RBM47: variants seen among roughly 807,000 people sequenced by gnomAD.
The protein encoded by RBM47 is RNA-binding protein 47.
A neutral mutation model predicts 47.1 loss-of-function variants in RBM47; 21 were observed. That is an observed-to-expected ratio of 0.45 (90% CI 0.32 to 0.64). RBM47 has a LOEUF of 0.64. Ranked by LOEUF, RBM47 falls within the 30% of genes least tolerant of loss-of-function variation. The pLI, the probability that RBM47 is intolerant of heterozygous loss-of-function variation, is 0.05. For synonymous variants in RBM47, 375 were observed against 361.7 expected (o/e 1.04, Z -0.42); for missense variants, 708 against 870.9 (o/e 0.81, Z 2.35).
chr4:40,555,412 T>C (rs778901730), intron 1 of RBM47, among the ~76,000 whole-genome samples: 11 of 152,220 alleles, frequency 7.2e-5, no homozygotes, highest in Non-Finnish European at 1.3e-4. Context: ...CCTTCGTTTC[T>C]TGCAGCATGT....
chr4:40,612,860 C>A (rs1159085120), intron 1 of RBM47, among the ~76,000 whole-genome samples: 6 of 152,160 alleles, frequency 3.9e-5, no homozygotes, highest in Non-Finnish European at 8.8e-5. Flanking sequence ...GATCTTCATC[C>A]CCTAGGCTTT....
intron 1 of RBM47, among the ~76,000 whole-genome samples, chr4:40,601,685 T>C (rs886355403): frequency 2.0e-5 from 3 of 152,178 alleles, no homozygotes; most frequent in Admixed American, 1.3e-4. Context: ...AAGGCTTCCA[T>C]TGTGGATTTA....
In RBM47 at chr4:40,532,657, A is replaced by AT. The variant is rs1166905667; in HGVS notation, c.-155+11764dup. On this transcript the variant is annotated intron_variant, in intron 2 of 6. Coordinates refer to ENST00000295971, the MANE Select transcript of RBM47 (RefSeq NM_001098634.2). Reference sequence around the variant, plus strand: ...TTTTTCCTTTTTTTTTTCTTTTTAAATATTTTTTTCCATTTTTTTTTTGAG... The same window carrying AT: ...TTTTTCCTTTTTTTTTTCTTTTTAAATTATTTTTTTCCATTTTTTTTTTGAG... Among the ~76,000 whole-genome samples, 10 of 99,798 alleles carry AT rather than the reference A, an allele frequency of 1.0e-4. No individual in the cohort carries two copies. The African/African-American group carries it at 1.1e-3, about 11-fold the overall frequency. 65.5% of individuals were successfully genotyped at this position (99,798 alleles called of 152,430 possible).
intron 2 of RBM47, among the ~76,000 whole-genome samples, chr4:40,486,841 A>AT (rs1205868728): frequency 1.3e-5 from 2 of 152,194 alleles, no homozygotes. Flanking sequence ...TGCAACATTC[A>AT]TTCTATGTCT....
intron 2 of RBM47, among the ~76,000 whole-genome samples, chr4:40,472,950 G>A (rs60433065): frequency 0.011 from 1,682 of 152,202 alleles, 33 homozygotes; most frequent in East Asian, 0.065. Flanking sequence ...GCTTCCCCAT[G>A]ACATTCAAAA....
chr4:40,502,055 G>A (rs190144655), intron 2 of RBM47: 128 of 154,406 alleles, frequency 8.3e-4, no homozygotes, highest in Non-Finnish European at 1.5e-3. Flanking sequence ...TGGCCTGCTT[G>A]AAGGTTTCCA....
chr4:40,490,998 A>G (rs35300113), intron 2 of RBM47, among the ~76,000 whole-genome samples: 3 of 152,106 alleles, frequency 2.0e-5, no homozygotes, highest in Non-Finnish European at 4.4e-5. Context: ...TCAAGGACTC[A>G]CCCTTCCAGG....
At chr4:40,486,327 G>A (rs961324244) in intron 2 of RBM47, among the ~76,000 whole-genome samples, 7 of 151,960 alleles carry the variant, frequency 4.6e-5, no homozygotes, top group African/African-American at 1.5e-4. Flanking sequence ...GAGTGCTTCC[G>A]TATCAACAAA....
Position 40,438,752 on chromosome 4 carries a change from G to T in RBM47, c.142C>A (p.Gln48Lys). Residue 48 changes from glutamine to lysine, a missense_variant, in exon 4 of 7, where the codon CAA becomes AAA. Transcript: ENST00000295971. Reference protein sequence around the residue: ...LMERTGYSMVQENGQRKYGGP... With the variant: ...LMERTGYSMVKENGQRKYGGP... ...CCGTACTTGCGCTGCCCGTTCTCTT[G>T]CACCATGCTGTAGCCCGTGCGCTCC... The T allele has an allele frequency of 6.3e-7, 1 of 1,593,286 alleles. No homozygotes were observed.
At chr4:40,470,050 C>G (rs1043317917) in intron 2 of RBM47, among the ~76,000 whole-genome samples, 20 of 152,156 alleles carry the variant, frequency 1.3e-4, no homozygotes, top group African/African-American at 4.6e-4. Flanking sequence ...CCAGAGAACC[C>G]AGTTTGAGAA....
intron 1 of RBM47, among the ~76,000 whole-genome samples, chr4:40,621,737 G>T (rs115051957): frequency 1.8e-3 from 274 of 152,318 alleles, no homozygotes; most frequent in African/African-American, 6.0e-3. Flanking sequence ...TCACAAAATG[G>T]TTCAAACAGA....
chr4:40,570,845 T>C (rs1213444215), intron 1 of RBM47, among the ~76,000 whole-genome samples: 1 of 148,018 alleles, frequency 6.8e-6, no homozygotes, highest in Non-Finnish European at 1.5e-5. Flanking sequence ...GCTAAAGTTA[T>C]ATTTTTTAAA....
chr4:40,541,736 C>CT, intron 2 of RBM47, among the ~76,000 whole-genome samples: 1 of 150,742 alleles, frequency 6.6e-6, no homozygotes, highest in Non-Finnish European at 1.5e-5. Flanking sequence ...AAAACTCTGT[C>CT]TCAAAAAAAA....
chr4:40,594,004 A>G (rs1734524677), intron 1 of RBM47, among the ~76,000 whole-genome samples: 2 of 152,090 alleles, frequency 1.3e-5, no homozygotes, highest in African/African-American at 2.4e-5. Flanking sequence ...GTGAGCTGAG[A>G]TTGCGCCATT....
chr4:40,480,621 A>G (rs919694815), intron 2 of RBM47, among the ~76,000 whole-genome samples: 55 of 152,136 alleles, frequency 3.6e-4, no homozygotes, highest in Admixed American at 3.5e-3. Context: ...GAAAGCCACA[A>G]AATCTAATTT....
chr4:40,474,483 G>C (rs1719336586), intron 2 of RBM47, among the ~76,000 whole-genome samples: 1 of 152,112 alleles, frequency 6.6e-6, no homozygotes, highest in Non-Finnish European at 1.5e-5. Flanking sequence ...CAGGATGCAA[G>C]TCTTTTTAAA....
chr4:40,466,234 C>T (rs1717993201), intron 3 of RBM47, among the ~76,000 whole-genome samples: 1 of 143,388 alleles, frequency 7.0e-6, no homozygotes, highest in Non-Finnish European at 1.5e-5. Flanking sequence ...TGCCACTGCA[C>T]TCCACCCTGG....
intron 2 of RBM47, among the ~76,000 whole-genome samples, chr4:40,487,633 C>A (rs1359409635): frequency 6.6e-6 from 1 of 152,074 alleles, no homozygotes; most frequent in Non-Finnish European, 1.5e-5. Context: ...GTCAACTAGG[C>A]ACCCCTCTGT....
At chr4:40,630,303 C>A (rs1446129331), upstream of RBM47, 1 of 152,538 alleles carries the variant, frequency 6.6e-6, no homozygotes, top group Non-Finnish European at 1.5e-5. Flanking sequence ...GCCAGAACCA[C>A]GTTGGAGAAA....
Sources: allele counts gnomAD v4.1 joint callset (sites outside exome capture counted in the v4.1 genomes callset), GRCh38; gene constraint gnomAD v4.1.1; transcripts MANE v1.5; gene names NCBI Gene and HGNC (gene_info 2026-07-23, HGNC 2026-07-21).